Variants in NRK observed in about 807,000 individuals in gnomAD.
NRK encodes Nik related kinase.
A neutral mutation model predicts 125.2 loss-of-function variants in NRK; 67 were observed. That is an observed-to-expected ratio of 0.54 (90% CI 0.44 to 0.66). The LOEUF is 0.66. Among genes scored for constraint, NRK ranks in the 30% least tolerant of loss-of-function variants. The pLI, the probability that NRK is intolerant of heterozygous loss-of-function variation, is 0.00. For synonymous variants in NRK, 458 were observed against 429.0 expected, an observed-to-expected ratio of 1.07 and a Z score of -0.84; for missense variants, 1,224 against 1,192.9, an observed-to-expected ratio of 1.03 and a Z score of -0.38.
rs1274536479 is a variant in NRK at position 105,909,365 on chromosome X, C to G, written c.1724C>G (p.Ala575Gly). 1 of 1,205,976 alleles carries G rather than the reference C, an allele frequency of 8.3e-7. No individual in the cohort carries two copies. Among genetic ancestry groups the G allele is most frequent in the African/African-American group, 1.7e-5 (1 of 57,773 alleles). Residue 575 changes from alanine (A) to glycine (G), a missense_variant, in exon 13 of 29, where the codon GCA becomes GGA. Physicochemically the swap from Ala to Gly is moderately conservative, Grantham distance 60 (BLOSUM62 0). Transcript: ENST00000243300. ...AAEPAQAETE[A>G]EEPESLRVNA... ...GAGCCTGCACAGGCAGAGACTGAGG[C>G]AGAGGAACCTGAGTCATTACGAGTA...
intron 16 of NRK, 93 bp from the exon 17 acceptor site, chrX:105,921,871 A>T: frequency 2.6e-6 from 1 of 380,483 alleles, no homozygotes; most frequent in Non-Finnish European, 4.6e-6. Context: ...AAAAAAAAAG[A>T]AAAAAAACCA....
intron 19 of NRK, among the ~76,000 whole-genome samples, chrX:105,927,711 T>G (rs1280485591): frequency 9.0e-6 from 1 of 111,350 alleles, no homozygotes; most frequent in Non-Finnish European, 1.9e-5. Flanking sequence ...TATCAAATGC[T>G]TTTTTTGGTA....
chrX:105,943,375 C>T (rs1312896434), intron 23 of NRK, among the ~76,000 whole-genome samples: 1 of 111,889 alleles, frequency 8.9e-6, no homozygotes, highest in African/African-American at 3.2e-5. Flanking sequence ...TTCCATTGAT[C>T]TATATGTCTC....
intron 9 of NRK, among the ~76,000 whole-genome samples, chrX:105,901,716 G>A (rs768091978): frequency 1.2e-3 from 129 of 111,784 alleles, no homozygotes; most frequent in Middle Eastern, 9.2e-3. Context: ...TAGGACACCT[G>A]TGGAGATCAT....
intron 16 of NRK, among the ~76,000 whole-genome samples, chrX:105,919,903 T>A (rs1441739798): frequency 9.2e-6 from 1 of 108,343 alleles, no homozygotes; most frequent in African/African-American, 3.4e-5. Context: ...TTTAATTAGA[T>A]CCCATTTGTC....
At chrX:105,926,185 T>C (rs1340828889) in intron 19 of NRK, among the ~76,000 whole-genome samples, 1 of 111,652 alleles carries the variant, frequency 9.0e-6, no homozygotes, top group African/African-American at 3.2e-5. Flanking sequence ...ATTTGCATTT[T>C]CCCGATGATT....
At chrX:105,933,166 GTCTA>G (rs145260404) in intron 19 of NRK, among the ~76,000 whole-genome samples, 33,052 of 100,984 alleles carry the variant, frequency 0.33, 4,487 homozygotes, top group Admixed American at 0.48. Context: ...ATCTATGTCT[GTCTA>G]TCTATCTATC....
At chrX:105,950,570 GTGTGTGTGGAGA>G (rs1159446274) in intron 27 of NRK, among the ~76,000 whole-genome samples, 6 of 101,244 alleles carry the variant, frequency 5.9e-5, no homozygotes, top group African/African-American at 2.4e-4. Flanking sequence ...GTGTGTGTGT[GTGTGTGTGGAGA>G]GAGAGAGAGA....
chrX:105,839,169 G>C (rs762926683), intron 2 of NRK, among the ~76,000 whole-genome samples: 6 of 110,839 alleles, frequency 5.4e-5, no homozygotes, highest in African/African-American at 1.6e-4. Flanking sequence ...ATTGGATGGG[G>C]GTTTGAGTAT....
intron 17 of NRK, among the ~76,000 whole-genome samples, chrX:105,922,882 A>C: frequency 9.0e-6 from 1 of 110,807 alleles, no homozygotes; most frequent in African/African-American, 3.3e-5. Flanking sequence ...AAGTATGGGT[A>C]TTTTTTTTAA....
At chrX:105,935,423 C>A in intron 21 of NRK, 98 bp downstream of exon 21, 1 of 536,730 alleles carries the variant, frequency 1.9e-6, no homozygotes, top group Non-Finnish European at 2.9e-6. Flanking sequence ...CAAGTCATTA[C>A]AATAAAAATA....
intron 2 of NRK, among the ~76,000 whole-genome samples, chrX:105,849,802 C>T: frequency 8.9e-6 from 1 of 112,290 alleles, no homozygotes; most frequent in Middle Eastern, 4.7e-3. Flanking sequence ...TGGTCTTGGG[C>T]AGCTCCGCCC....
chrX:105,861,781 G>A (rs1371956943), intron 2 of NRK, among the ~76,000 whole-genome samples: 1 of 111,933 alleles, frequency 8.9e-6, no homozygotes, highest in African/African-American at 3.2e-5. Context: ...AATTTCAGCT[G>A]GGCACGGTGG....
At chrX:105,841,731 A>G (rs1403022173) in intron 2 of NRK, among the ~76,000 whole-genome samples, 1 of 111,787 alleles carries the variant, frequency 8.9e-6, no homozygotes, top group Non-Finnish European at 1.9e-5. Flanking sequence ...TGACTCTGAG[A>G]AATAAAATAA....
At chrX:105,912,495 A>G (rs773723907) in intron 13 of NRK, among the ~76,000 whole-genome samples, 153 bp from the exon 14 acceptor site, 1 of 111,020 alleles carries the variant, frequency 9.0e-6, no homozygotes, top group Non-Finnish European at 1.9e-5. Flanking sequence ...AATCATTTTT[A>G]ATATTTGGAT....
At chrX:105,909,928 A>T in intron 13 of NRK, 46 bp downstream of exon 13, 1 of 1,032,036 alleles carries the variant, frequency 9.7e-7, no homozygotes, top group African/African-American at 1.9e-5. Context: ...ATGAAGAGAA[A>T]ATGTGATAGC....
chrX:105,854,103 T>C (rs749584076), intron 2 of NRK, among the ~76,000 whole-genome samples: 1 of 112,120 alleles, frequency 8.9e-6, no homozygotes, highest in South Asian at 3.7e-4. Context: ...ATTTGCTAAA[T>C]GTTTCTGCAG....
At chrX:105,916,292 T>C (rs1344964125) in intron 15 of NRK, among the ~76,000 whole-genome samples, 1 of 111,249 alleles carries the variant, frequency 9.0e-6, no homozygotes, top group Non-Finnish European at 1.9e-5. Context: ...TACCAGTCAC[T>C]GTATTTTTTA....
At chrX:105,824,578 C>A in intron 1 of NRK, among the ~76,000 whole-genome samples, 1 of 98,250 alleles carries the variant, frequency 1.0e-5, no homozygotes, top group Admixed American at 1.1e-4. Flanking sequence ...CAGGGAATTC[C>A]AAACCCAAGG....
Sources: allele counts gnomAD v4.1 joint callset (sites outside exome capture counted in the v4.1 genomes callset), GRCh38; gene constraint gnomAD v4.1.1; transcripts MANE v1.5; gene names NCBI Gene and HGNC (gene_info 2026-07-23, HGNC 2026-07-21).